SEMA3C: variants seen among roughly 807,000 people sequenced by gnomAD.
SEMA3C encodes semaphorin-3C.
SEMA3C carries 47 observed loss-of-function variants against 89.4 expected under a neutral mutation model. The ratio of observed to expected loss-of-function variants is 0.53; its 90% confidence interval spans 0.42 to 0.67. The LOEUF (loss-of-function observed/expected upper bound fraction) is 0.67. Among genes scored for constraint, SEMA3C ranks in the 30% least tolerant of loss-of-function variants. The pLI is 0.00. For missense variants in SEMA3C, 839 were observed against 929.1 expected, an observed-to-expected ratio of 0.90 and a Z score of 1.26; for synonymous variants, 310 against 320.2, an observed-to-expected ratio of 0.97 and a Z score of 0.34.
rs188130246 is a variant in SEMA3C at position 80,826,976 on chromosome 7, C to T, written c.327+449G>A. 6.3e-4 allele frequency among the ~76,000 whole-genome samples: 96 copies of T among 152,154 alleles called. No homozygotes were observed. In the Middle Eastern group the frequency reaches 0.024, roughly 38 times the overall value. On this transcript the variant is annotated intron_variant, in intron 4 of 17. Transcript: ENST00000265361. ...TGTTTCTGTGGCTATTTTTAATTAA[C>T]AAAGGTACCATTTATCACTGGTGAT...
At chr7:80,886,376 C>CA (rs902153582) in intron 2 of SEMA3C, among the ~76,000 whole-genome samples, 4 of 147,696 alleles carry the variant, frequency 2.7e-5, no homozygotes, top group Non-Finnish European at 5.9e-5. Flanking sequence ...TTTTTGGAGA[C>CA]AGAGTCTTGC....
intron 1 of SEMA3C, 31 bp from the exon 2 acceptor site, chr7:80,916,850 T>A: frequency 1.9e-6 from 3 of 1,588,026 alleles, no homozygotes; most frequent in Non-Finnish European, 2.6e-6. Flanking sequence ...GTTTGTTATA[T>A]CTCATTTCAC....
intron 2 of SEMA3C, among the ~76,000 whole-genome samples, chr7:80,878,502 T>C (rs1421600545): frequency 6.6e-6 from 1 of 151,978 alleles, no homozygotes; most frequent in Non-Finnish European, 1.5e-5. Flanking sequence ...TAATTGAAAG[T>C]ATGGGGGTGG....
At chr7:80,916,507 T>C (rs1252546004) in intron 2 of SEMA3C, among the ~76,000 whole-genome samples, 172 bp downstream of exon 2, 1 of 152,230 alleles carries the variant, frequency 6.6e-6, no homozygotes, top group Non-Finnish European at 1.5e-5. Context: ...CAGAGGATCT[T>C]TGTCTATTAA....
intron 2 of SEMA3C, among the ~76,000 whole-genome samples, chr7:80,885,253 G>GCT (rs1791447844): frequency 6.6e-6 from 1 of 152,098 alleles, no homozygotes; most frequent in Non-Finnish European, 1.5e-5. Flanking sequence ...TTGGAAGATA[G>GCT]CTCTTCTCTA....
chr7:80,910,144 T>A (rs911703385), intron 2 of SEMA3C, among the ~76,000 whole-genome samples: 6 of 152,194 alleles, frequency 3.9e-5, no homozygotes, highest in African/African-American at 1.4e-4. Context: ...TGTCTTCTAG[T>A]CTTGTCAATG....
chr7:80,919,074 G>C (rs1792348481), upstream of SEMA3C: 3 of 985,292 alleles, frequency 3.0e-6, no homozygotes. Flanking sequence ...GCCGGAGGCC[G>C]GGGGCGAGCG....
Position 80,744,698 on chromosome 7 carries a change from G to T in SEMA3C, c.*196C>A. 1.6e-6 allele frequency: 1 copy of T among 613,310 alleles called. No homozygotes were observed. The highest frequency in any genetic ancestry group is 2.9e-6 in the Non-Finnish European group (1 of 347,242). The allele number at this position is 613,310 out of a possible 1,614,324, so 38.0% of individuals were successfully genotyped here. On this transcript the variant is annotated 3_prime_UTR_variant, in exon 18 of 18. Coordinates refer to ENST00000265361, the MANE Select transcript of SEMA3C (RefSeq NM_006379.5). ...TAAATATATTTATATGCACCATGAG[G>T]ACCATGACATGTCTAGTGCTAGTCA...
chr7:80,793,819 A>G (rs920019731), intron 11 of SEMA3C, among the ~76,000 whole-genome samples: 4 of 151,788 alleles, frequency 2.6e-5, no homozygotes, highest in Non-Finnish European at 5.9e-5. Context: ...TAAATGCAAA[A>G]CTAGGCTGAG....
chr7:80,873,652 TTA>T lies in SEMA3C; in HGVS notation c.103+43025_103+43026del, dbSNP rs141352883. Among the ~76,000 whole-genome samples, 537 of 152,318 alleles carry T rather than the reference TTA, an allele frequency of 3.5e-3. 10 individuals carry two copies. The highest frequency in any genetic ancestry group is 0.035 in the East Asian group (179 of 5,178). On this transcript the variant is annotated intron_variant, in intron 2 of 17. Coordinates refer to ENST00000265361, the MANE Select transcript of SEMA3C (RefSeq NM_006379.5). ...CATTCCTCTTGGCCTAAGTCACTTA[TTA>T]AAGTCACTATCCTCACTGCACAAAC...
intron 2 of SEMA3C, among the ~76,000 whole-genome samples, chr7:80,842,769 T>C (rs1157883970): frequency 1.3e-5 from 2 of 152,076 alleles, no homozygotes; most frequent in Non-Finnish European, 2.9e-5. Flanking sequence ...TAAGTAACTT[T>C]ACAAGATTAA....
chr7:80,786,194 G>A (rs1788798157), intron 12 of SEMA3C, among the ~76,000 whole-genome samples: 1 of 152,266 alleles, frequency 6.6e-6, no homozygotes, highest in Non-Finnish European at 1.5e-5. Context: ...TGACACAAGT[G>A]TTTAAATACC....
At position 80,916,870 on chromosome 7, in the gene SEMA3C, G is replaced by A. The variant is rs149788754; in HGVS notation, c.-38-51C>T. On this transcript the variant is annotated intron_variant, in intron 1 of 17. Transcript: ENST00000265361. ...TTATATCTCATTTCACATTTTAGGAGTAGGAAAAAACAGCAATCTAGACAA... is the reference window on the plus strand; with the variant it reads ...TTATATCTCATTTCACATTTTAGGAATAGGAAAAAACAGCAATCTAGACAA... 218 of 1,530,592 alleles carry A rather than the reference G, an allele frequency of 1.4e-4. 2 individuals are homozygous for A. The African/African-American group carries it at 2.7e-3, about 19-fold the overall frequency. 94.8% of individuals were successfully genotyped at this position (1,530,592 alleles called of 1,614,324 possible). A position where few individuals can be genotyped will look rare whatever the true frequency, so the allele number is the denominator to read the frequency against.
chr7:80,808,219 T>A (rs552433190), intron 6 of SEMA3C, among the ~76,000 whole-genome samples: 11 of 152,260 alleles, frequency 7.2e-5, no homozygotes, highest in African/African-American at 2.6e-4. Context: ...CTAAAGAATA[T>A]TCAATGAGAT....
intron 2 of SEMA3C, among the ~76,000 whole-genome samples, chr7:80,867,960 G>A (rs1293543944): frequency 6.6e-6 from 1 of 152,180 alleles, no homozygotes; most frequent in East Asian, 1.9e-4. Flanking sequence ...GCCATTTTTA[G>A]CTATTGTAGT....
intron 14 of SEMA3C, 63 bp from the exon 15 acceptor site, chr7:80,758,551 A>T: frequency 6.8e-7 from 1 of 1,471,318 alleles, no homozygotes; most frequent in Non-Finnish European, 9.5e-7. Context: ...TTTCAGCAGG[A>T]ACACATTATA....
At chr7:80,881,551 G>A (rs1791341246) in intron 2 of SEMA3C, among the ~76,000 whole-genome samples, 1 of 152,128 alleles carries the variant, frequency 6.6e-6, no homozygotes. Context: ...TTTTACATGT[G>A]TAAGTGATTA....
chr7:80,887,704 C>T (rs1791516040), intron 2 of SEMA3C, among the ~76,000 whole-genome samples: 3 of 152,142 alleles, frequency 2.0e-5, no homozygotes, highest in African/African-American at 7.2e-5. Context: ...GAAAGAGCTG[C>T]TTATCCTGAG....
At chr7:80,792,895 T>C (rs1788977552) in intron 11 of SEMA3C, among the ~76,000 whole-genome samples, 1 of 152,214 alleles carries the variant, frequency 6.6e-6, no homozygotes, top group Non-Finnish European at 1.5e-5. Context: ...CTGAGTTTGC[T>C]CAGTGTCATA....
Sources: gnomAD v4.1 joint callset for allele counts (sites outside exome capture counted in the v4.1 genomes callset) on GRCh38, gnomAD v4.1.1 for gene constraint, MANE v1.5 for transcripts, NCBI Gene and HGNC (gene_info 2026-07-23, HGNC 2026-07-21) for gene names.